PSME4: variants seen among roughly 807,000 people sequenced by gnomAD.
The protein encoded by PSME4 is proteasome activator complex subunit 4.
PSME4 carries 89 observed loss-of-function variants against 253.9 expected under a neutral mutation model. The observed-to-expected ratio is 0.35, with a 90% confidence interval of 0.30 to 0.42. The LOEUF (loss-of-function observed/expected upper bound fraction) is 0.42, where lower values mean the gene tolerates loss of function less well. Among genes scored for constraint, PSME4 ranks in the 10% least tolerant of loss-of-function variants. The probability of loss-of-function intolerance (pLI) is 1.00; values close to 1 mark genes in which losing one functional copy is unlikely to be tolerated. For synonymous variants in PSME4, 851 were observed against 759.2 expected, an observed-to-expected ratio of 1.12 and a Z score of -1.99; for missense variants, 2,014 against 2,195.2, an observed-to-expected ratio of 0.92 and a Z score of 1.65.
chr2:53,908,345 A>G lies in PSME4; in HGVS notation c.2759T>C (p.Leu920Ser). The G allele has an allele frequency of 6.2e-7, 1 of 1,612,196 alleles. No homozygotes were observed. The highest frequency in any genetic ancestry group is 1.1e-5 in the South Asian group (1 of 90,912). ...CCGATTTTCCATTGATTTCTTTACT[A>G]AGTTGAAGCTTTTCCATCGGGAGTC... Reference protein sequence around the residue: ...EFDSRWKSFNLVKKSMENRLH... With the variant: ...EFDSRWKSFNSVKKSMENRLH... Residue 920 changes from leucine (L) to serine (S), a missense_variant, in exon 24 of 47, where the codon TTA becomes TCA. By Grantham distance (145) the Leu-to-Ser change is moderately radical (BLOSUM62 -2). This residue lies in a region of PSME4 where 989 missense variants were observed against 1,021.1 expected (regional missense o/e 0.97). Coordinates refer to ENST00000404125, the MANE Select transcript of PSME4 (RefSeq NM_014614.3).
At chr2:53,927,597 A>G in intron 11 of PSME4, 114 bp from the exon 12 acceptor site, 5 of 798,896 alleles carry the variant, frequency 6.3e-6, no homozygotes, top group Admixed American at 2.1e-5. Flanking sequence ...AAATCCCACA[A>G]CAGTTTTTCT....
At chr2:53,872,882 G>T (rs1678950549) in intron 43 of PSME4, among the ~76,000 whole-genome samples, 2 of 139,276 alleles carry the variant, frequency 1.4e-5, no homozygotes, top group South Asian at 2.5e-4. Flanking sequence ...AGTTTTTAAA[G>T]AATAATAAGA....
chr2:53,870,200 T>C (rs759504442), intron 43 of PSME4: 1 of 152,170 alleles, frequency 6.6e-6, no homozygotes, highest in Non-Finnish European at 1.5e-5. Flanking sequence ...AAACAGATGT[T>C]TTGCTCTGTT....
At chr2:53,927,976 T>C in intron 11 of PSME4, 141 bp downstream of exon 11, 1 of 632,356 alleles carries the variant, frequency 1.6e-6, no homozygotes, top group Non-Finnish European at 2.6e-6. Context: ...TAAACAACTG[T>C]TACTTTAATA....
intron 22 of PSME4, 50 bp from the exon 23 acceptor site, chr2:53,908,615 AT>A (rs779356534): frequency 6.5e-7 from 1 of 1,548,088 alleles, no homozygotes; most frequent in Non-Finnish European, 8.7e-7. Context: ...TTGAACTACT[AT>A]AAGAATCTTG....
chr2:53,901,358 C>A lies in PSME4; in HGVS notation c.3277G>T (p.Asp1093Tyr). 6.2e-7 allele frequency: 1 copy of A among 1,611,908 alleles called. No homozygotes were observed. The highest frequency in any genetic ancestry group is 8.5e-7 in the Non-Finnish European group (1 of 1,177,970). The change falls in exon 28 of 47, where the codon GAC (aspartate) becomes TAC (tyrosine). Residue 1093 changes from aspartate to tyrosine, a missense_variant. By Grantham distance (160) the Asp-to-Tyr change is radical. Coordinates refer to ENST00000404125, the MANE Select transcript of PSME4 (RefSeq NM_014614.3). ...IHRQYETIGLDFTIPKSCVEI... is the reference protein window; with the variant it reads ...IHRQYETIGLYFTIPKSCVEI... ...AGAATGATATTGCTTACTGTGAAGT[C>A]CAAGCCAATTGTTTCATACTGCCTA...
intron 29 of PSME4, 127 bp downstream of exon 29, chr2:53,899,754 G>A (rs567250747): frequency 3.5e-6 from 4 of 1,139,538 alleles, no homozygotes; most frequent in Admixed American, 2.3e-5. Context: ...GGAGGTGAAG[G>A]TTGCAGTGAG....
chr2:53,929,507 C>T (rs1668724524), intron 10 of PSME4, among the ~76,000 whole-genome samples: 1 of 151,984 alleles, frequency 6.6e-6, no homozygotes, highest in Non-Finnish European at 1.5e-5. Flanking sequence ...GTTGCCCAGG[C>T]TGGTCTCAAA....
At chr2:53,958,355 C>CA (rs1016770739) in intron 1 of PSME4, among the ~76,000 whole-genome samples, 24 of 139,484 alleles carry the variant, frequency 1.7e-4, no homozygotes, top group Admixed American at 2.9e-4. Context: ...GACTCCATCT[C>CA]AAAAAAAACA....
chr2:53,895,836 A>G lies in PSME4; in HGVS notation c.3689-100T>C, dbSNP rs1175924730. 30 of 1,068,924 alleles carry G rather than the reference A, an allele frequency of 2.8e-5. No individual in the cohort carries two copies. In the South Asian group the frequency reaches 4.7e-4, roughly 17 times the overall value. The allele number at this position is 1,068,924 out of a possible 1,614,324, so 66.2% of individuals were successfully genotyped here. On this transcript the variant is annotated intron_variant, in intron 32 of 46. Coordinates refer to ENST00000404125, the MANE Select transcript of PSME4 (RefSeq NM_014614.3). Reference sequence around the variant, plus strand: ...GTACCAGCATAACTTTGTCTTCACAAAACAACACTACAAAAATAACATTAA... The same window carrying G: ...GTACCAGCATAACTTTGTCTTCACAGAACAACACTACAAAAATAACATTAA...
chr2:53,877,490 C>T (rs1449275361), intron 41 of PSME4, among the ~76,000 whole-genome samples: 1 of 151,586 alleles, frequency 6.6e-6, no homozygotes, highest in Non-Finnish European at 1.5e-5. Context: ...AATTAATACA[C>T]TCAGCTTGAA....
At chr2:53,946,491 A>G (rs1312845912) in intron 3 of PSME4, among the ~76,000 whole-genome samples, 1 of 152,226 alleles carries the variant, frequency 6.6e-6, no homozygotes, top group Non-Finnish European at 1.5e-5. Context: ...CTGACCTCTT[A>G]TTTAAAGAAG....
chr2:53,867,876 T>A (rs1277671416), intron 44 of PSME4, among the ~76,000 whole-genome samples: 3 of 152,158 alleles, frequency 2.0e-5, no homozygotes, highest in Admixed American at 2.0e-4. Context: ...AATGTCTATT[T>A]CTTAAAACAG....
At chr2:53,900,569 T>C (rs1484949142) in intron 28 of PSME4, among the ~76,000 whole-genome samples, 5 of 152,162 alleles carry the variant, frequency 3.3e-5, no homozygotes, top group African/African-American at 9.7e-5. Flanking sequence ...TGTTCTGGAA[T>C]TTGAGTAGTT....
chr2:53,966,083 T>C (rs1670723334), intron 1 of PSME4, among the ~76,000 whole-genome samples: 1 of 151,946 alleles, frequency 6.6e-6, no homozygotes, highest in African/African-American at 2.4e-5. Flanking sequence ...GCCAGGAGTT[T>C]GAGACAGCCT....
rs1680397029 is a variant in PSME4, at chr2:53,901,485, T to A, written c.3150A>T (p.Val1050=). The A allele has an allele frequency of 6.2e-7, 1 of 1,614,086 alleles. No homozygotes were observed. Among genetic ancestry groups the A allele is most frequent in the Non-Finnish European group, 8.5e-7 (1 of 1,179,998 alleles). ...AAGAAACAATCGCTGGCCACGTCTGTACAATACAGTCCCAATCATGAAGGT... is the reference window on the plus strand; with the variant it reads ...AAGAAACAATCGCTGGCCACGTCTGAACAATACAGTCCCAATCATGAAGGT... The part of the protein sequence containing the change: ...LANLHDWDCI[V]QTWPAIVSSG... The change falls in exon 28 of 47, where the codon GTA becomes GTT. Residue 1050 remains valine (V), a synonymous_variant. Coordinates refer to ENST00000404125, the MANE Select transcript of PSME4 (RefSeq NM_014614.3).
At chr2:53,906,440 C>T (rs763950164) in intron 26 of PSME4, among the ~76,000 whole-genome samples, 158 bp downstream of exon 26, 4 of 152,056 alleles carry the variant, frequency 2.6e-5, no homozygotes, top group Non-Finnish European at 5.9e-5. Context: ...TTTATTACTT[C>T]CTGGAGGTAA....
chr2:53,922,920 A>G (rs945553438), intron 16 of PSME4, 129 bp downstream of exon 16: 8 of 788,348 alleles, frequency 1.0e-5, no homozygotes, highest in Non-Finnish European at 1.5e-5. Context: ...TTTGGAGACA[A>G]ATTTTCCCCA....
chr2:53,877,698 AAGAC>A (rs1480078723), intron 41 of PSME4, among the ~76,000 whole-genome samples: 4 of 152,182 alleles, frequency 2.6e-5, no homozygotes, highest in Admixed American at 6.5e-5. Context: ...AACTGGACCA[AAGAC>A]AGACAGGCCA....
Sources: gnomAD v4.1 joint callset for allele counts (sites outside exome capture counted in the v4.1 genomes callset) on GRCh38, gnomAD v4.1.1 for gene constraint, gnomAD v4.1.1 regional missense constraint, MANE v1.5 for transcripts, NCBI Gene and HGNC (gene_info 2026-07-23, HGNC 2026-07-21) for gene names.